XPR1: variants seen among roughly 807,000 people sequenced by gnomAD.
XPR1 encodes xenotropic and polytropic retrovirus receptor 1.
In XPR1, 28 loss-of-function variants were observed where a neutral mutation model predicts 87.5. The ratio of observed to expected loss-of-function variants is 0.32; its 90% confidence interval spans 0.24 to 0.44. XPR1 has a LOEUF of 0.44. Ranked by LOEUF, XPR1 falls within the 20% of genes least tolerant of loss-of-function variation. The pLI is 1.00. For missense variants in XPR1, 559 were observed against 862.3 expected (o/e 0.65, Z 4.41); for synonymous variants, 300 against 306.1 (o/e 0.98, Z 0.21).
rs1407028396 is a variant in XPR1, at chr1:180,759,935, C to G, written c.122-27818C>G. On this transcript the variant is annotated intron_variant, in intron 2 of 14. Coordinates refer to ENST00000367590, the MANE Select transcript of XPR1 (RefSeq NM_004736.4). ...TCCACCATGATCAAGTGGGCTTCAT[C>G]CCTGGGATGCAAGGCTGTTCAACAT... 2.0e-5 allele frequency among the ~76,000 whole-genome samples: 3 copies of G among 152,302 alleles called. No homozygotes were observed. The East Asian group carries it at 5.8e-4, about 29-fold the overall frequency.
intron 2 of XPR1, among the ~76,000 whole-genome samples, chr1:180,714,105 T>G (rs1657899564): frequency 6.6e-6 from 1 of 152,232 alleles, no homozygotes; most frequent in African/African-American, 2.4e-5. Flanking sequence ...GTCTATTTAA[T>G]TAAAATTGTC....
chr1:180,788,397 G>A lies in XPR1; in HGVS notation c.223+543G>A, dbSNP rs555784891. On this transcript the variant is annotated intron_variant, in intron 3 of 14. Coordinates refer to ENST00000367590, the MANE Select transcript of XPR1 (RefSeq NM_004736.4). ...GTTGCAATGTACATAATATACATTA[G>A]TAAAACAATGTCTTTATAGTGAAAA... is the stretch of plus-strand genomic sequence containing the variant. 3.3e-5 allele frequency among the ~76,000 whole-genome samples: 5 copies of A among 152,126 alleles called. No homozygotes were observed. The East Asian group carries it at 5.8e-4, about 18-fold the overall frequency.
chr1:180,637,862 C>G (rs1654838412), intron 1 of XPR1, among the ~76,000 whole-genome samples: 1 of 152,098 alleles, frequency 6.6e-6, no homozygotes, highest in African/African-American at 2.4e-5. Flanking sequence ...CCTAAGCTAA[C>G]TCTTTGAAGT....
intron 2 of XPR1, among the ~76,000 whole-genome samples, chr1:180,752,013 A>G (rs1647553794): frequency 6.6e-6 from 1 of 152,194 alleles, no homozygotes; most frequent in Non-Finnish European, 1.5e-5. Flanking sequence ...AAAAAATACC[A>G]ATATAATGAT....
intron 12 of XPR1, among the ~76,000 whole-genome samples, chr1:180,865,881 G>A (rs1280132166): frequency 6.6e-6 from 1 of 151,986 alleles, no homozygotes; most frequent in Non-Finnish European, 1.5e-5. Flanking sequence ...AAACTTATAA[G>A]AAAGATGTTC....
chr1:180,765,491 C>G (rs1571815299), intron 2 of XPR1, among the ~76,000 whole-genome samples: 1 of 152,182 alleles, frequency 6.6e-6, no homozygotes, highest in South Asian at 2.1e-4. Context: ...CCATCTACAA[C>G]TACTTTCAAA....
Position 180,788,240 on chromosome 1 carries a change from T to C in XPR1, c.223+386T>C, listed in dbSNP as rs544183360. 2.8e-3 allele frequency among the ~76,000 whole-genome samples: 431 copies of C among 152,316 alleles called. 2 individuals are homozygous for C. The highest frequency in any genetic ancestry group is 5.1e-3 in the Non-Finnish European group (349 of 68,020). On this transcript the variant is annotated intron_variant, in intron 3 of 14. Coordinates refer to ENST00000367590, the MANE Select transcript of XPR1 (RefSeq NM_004736.4). ...ACCTTTTCATTGCCTAGAACACTTA[T>C]ACTTATTTCTCTAAAGCACTGGCCT...
chr1:180,801,187 C>G (rs879491935), intron 3 of XPR1, among the ~76,000 whole-genome samples: 1 of 152,216 alleles, frequency 6.6e-6, no homozygotes, highest in Non-Finnish European at 1.5e-5. Context: ...GGGAACCCAT[C>G]TCAATAGATA....
chr1:180,716,446 G>C (rs1312531175), intron 2 of XPR1, among the ~76,000 whole-genome samples: 2 of 151,966 alleles, frequency 1.3e-5, no homozygotes, highest in Non-Finnish European at 2.9e-5. Context: ...AACCTGTTTT[G>C]GTATCATCAC....
At chr1:180,690,953 A>T (rs1656973193) in intron 2 of XPR1, among the ~76,000 whole-genome samples, 1 of 151,740 alleles carries the variant, frequency 6.6e-6, no homozygotes, top group African/African-American at 2.4e-5. Flanking sequence ...AATTCTCTTG[A>T]TCTATTATGT....
intron 1 of XPR1, among the ~76,000 whole-genome samples, chr1:180,666,356 G>A (rs1655963241): frequency 6.6e-6 from 1 of 152,192 alleles, no homozygotes; most frequent in Non-Finnish European, 1.5e-5. Context: ...GTACTGGACT[G>A]AATTGTAGAT....
chr1:180,735,441 AT>A (rs1658697680), intron 2 of XPR1, among the ~76,000 whole-genome samples: 1 of 152,230 alleles, frequency 6.6e-6, no homozygotes, highest in Admixed American at 6.5e-5. Context: ...TAAGTTTTTA[AT>A]TAAGTGTTCT....
At chr1:180,647,588 A>G (rs1254135688) in intron 1 of XPR1, among the ~76,000 whole-genome samples, 4 of 152,142 alleles carry the variant, frequency 2.6e-5, no homozygotes, top group Non-Finnish European at 2.9e-5. Context: ...CTGTCTGAGT[A>G]GGCAAGCTTT....
chr1:180,656,353 AT>A (rs1286089574), intron 1 of XPR1, among the ~76,000 whole-genome samples: 3 of 110,960 alleles, frequency 2.7e-5, no homozygotes, highest in African/African-American at 3.6e-5. Flanking sequence ...TATATTTAAT[AT>A]TTATATATAT....
At chr1:180,760,434 A>G (rs1256058818) in intron 2 of XPR1, among the ~76,000 whole-genome samples, 1 of 152,212 alleles carries the variant, frequency 6.6e-6, no homozygotes, top group Admixed American at 6.5e-5. Flanking sequence ...TACAGAATCA[A>G]TGTACAAAAA....
intron 11 of XPR1, among the ~76,000 whole-genome samples, chr1:180,844,181 A>AG (rs1392077752): frequency 6.6e-6 from 1 of 152,224 alleles, no homozygotes; most frequent in Non-Finnish European, 1.5e-5. Context: ...ATTGCACTCC[A>AG]GCCTGGGCGA....
chr1:180,823,831 G>A (rs999472469), intron 7 of XPR1, among the ~76,000 whole-genome samples: 2 of 152,164 alleles, frequency 1.3e-5, no homozygotes, highest in East Asian at 1.9e-4. Flanking sequence ...CTAATCAAAT[G>A]GAGATAATGG....
rs1652994892 is a variant in XPR1 at position 180,885,917 on chromosome 1, T to G, written c.*1851T>G. 1 of 152,252 alleles carries G rather than the reference T, an allele frequency of 6.6e-6. No individual in the cohort carries two copies. Among genetic ancestry groups the G allele is most frequent in the South Asian group, 2.1e-4 (1 of 4,834 alleles). The allele number at this position is 152,252 out of a possible 1,614,324, so 9.4% of individuals were successfully genotyped here. A position where few individuals can be genotyped will look rare whatever the true frequency, so the allele number is the denominator to read the frequency against. On this transcript the variant is annotated 3_prime_UTR_variant, in exon 15 of 15. Coordinates refer to ENST00000367590, the MANE Select transcript of XPR1 (RefSeq NM_004736.4). ...ACAAATAGTTTCTTTTTAAAGTAGT[T>G]TCTTCCATCTTTATTCTGACTAGCT...
intron 1 of XPR1, among the ~76,000 whole-genome samples, chr1:180,645,228 C>T (rs1655081657): frequency 6.6e-6 from 1 of 152,210 alleles, no homozygotes; most frequent in South Asian, 2.1e-4. Context: ...CGGATCCATT[C>T]TTTCCCAGTT....
Sources: gnomAD v4.1 joint callset for allele counts (sites outside exome capture counted in the v4.1 genomes callset) on GRCh38, gnomAD v4.1.1 for gene constraint, MANE v1.5 for transcripts, NCBI Gene and HGNC (gene_info 2026-07-23, HGNC 2026-07-21) for gene names.